The following PTPRD variants were observed in gnomAD, a reference collection of about 807,000 sequenced individuals.
PTPRD encodes receptor-type tyrosine-protein phosphatase delta.
PTPRD carries 34 observed loss-of-function variants against 214.5 expected under a neutral mutation model. That is an observed-to-expected ratio of 0.16 (90% CI 0.12 to 0.21). The LOEUF is 0.21. Among genes scored for constraint, PTPRD ranks in the 10% least tolerant of loss-of-function variants. The probability of loss-of-function intolerance (pLI) is 1.00; values close to 1 mark genes in which losing one functional copy is unlikely to be tolerated. For missense variants in PTPRD, 2,545 were observed against 2,398.7 expected (o/e 1.06, Z -1.27); for synonymous variants, 1,128 against 845.7 (o/e 1.33, Z -5.79).
At chr9:10,038,590 C>T (rs561267315) in intron 3 of PTPRD, among the ~76,000 whole-genome samples, 2 of 152,136 alleles carry the variant, frequency 1.3e-5, no homozygotes, top group East Asian at 3.9e-4. Context: ...CAGAACTGAT[C>T]CTCAAAGAGG....
intron 7 of PTPRD, among the ~76,000 whole-genome samples, chr9:9,639,659 A>G (rs1308674241): frequency 6.6e-6 from 1 of 152,228 alleles, no homozygotes; most frequent in Non-Finnish European, 1.5e-5. Flanking sequence ...TTTTAAAAAC[A>G]TAAATACCTT....
intron 3 of PTPRD, among the ~76,000 whole-genome samples, chr9:10,252,936 A>G (rs1337968245): frequency 6.6e-6 from 1 of 151,916 alleles, no homozygotes; most frequent in Non-Finnish European, 1.5e-5. Context: ...GGTGTGCGCC[A>G]CCACACCCGG....
At chr9:9,123,651 T>G (rs1259392820) in intron 10 of PTPRD, among the ~76,000 whole-genome samples, 1 of 152,154 alleles carries the variant, frequency 6.6e-6, no homozygotes, top group Non-Finnish European at 1.5e-5. Flanking sequence ...TAAAAAGCAA[T>G]TATACTTTCT....
At chr9:8,759,668 T>C (rs2094282871) in intron 11 of PTPRD, among the ~76,000 whole-genome samples, 2 of 151,736 alleles carry the variant, frequency 1.3e-5, no homozygotes, top group Admixed American at 6.6e-5. Context: ...CATTTCACTA[T>C]GTTTTCTTTT....
intron 2 of PTPRD, among the ~76,000 whole-genome samples, chr9:10,379,181 G>C (rs1248304030): frequency 6.6e-6 from 1 of 150,396 alleles, no homozygotes; most frequent in African/African-American, 2.4e-5. Context: ...TATACTTTAA[G>C]TTTTAGGGTA....
chr9:9,674,490 CAT>C (rs146502516), intron 7 of PTPRD, among the ~76,000 whole-genome samples: 1,626 of 151,816 alleles, frequency 0.011, 18 homozygotes, highest in South Asian at 0.026. Context: ...ATAATCCCAA[CAT>C]ATGTTAATAA....
At chr9:9,440,169 T>C (rs183929379) in intron 8 of PTPRD, among the ~76,000 whole-genome samples, 1 of 152,332 alleles carries the variant, frequency 6.6e-6, no homozygotes, top group Non-Finnish European at 1.5e-5. Context: ...TCATGGAGGA[T>C]AGAAGTAATG....
At chr9:9,870,828 G>C (rs1259386666) in intron 5 of PTPRD, among the ~76,000 whole-genome samples, 1 of 152,086 alleles carries the variant, frequency 6.6e-6, no homozygotes, top group East Asian at 1.9e-4. Context: ...TAGACACTTA[G>C]TGTTGAAATA....
chr9:8,528,242 A>G (rs1160434926), intron 15 of PTPRD: 1 of 427,246 alleles, frequency 2.3e-6, no homozygotes, highest in East Asian at 3.5e-5. Flanking sequence ...TGTTGAAATA[A>G]ATTTGTTTCA....
chr9:9,235,500 G>T (rs1424764768), intron 9 of PTPRD, among the ~76,000 whole-genome samples: 2 of 152,100 alleles, frequency 1.3e-5, no homozygotes, highest in Non-Finnish European at 2.9e-5. Flanking sequence ...CATTCTGAAG[G>T]CTCTCATGTT....
chr9:9,621,392 C>T (rs2095231539), intron 7 of PTPRD, among the ~76,000 whole-genome samples: 1 of 152,090 alleles, frequency 6.6e-6, no homozygotes, highest in Non-Finnish European at 1.5e-5. Flanking sequence ...TATAGAAACG[C>T]TCATAAAGAC....
chr9:9,610,708 C>G (rs559224728), intron 7 of PTPRD, among the ~76,000 whole-genome samples: 2 of 152,084 alleles, frequency 1.3e-5, no homozygotes, highest in African/African-American at 4.8e-5. Context: ...AGCATTTTAA[C>G]TAGTATAATT....
chr9:9,812,745 A>C (rs991457366), intron 5 of PTPRD, among the ~76,000 whole-genome samples: 1 of 152,160 alleles, frequency 6.6e-6, no homozygotes, highest in African/African-American at 2.4e-5. Flanking sequence ...AAAATCAATA[A>C]GGAAACAGCA....
chr9:10,592,402 T>G (rs140743461), intron 2 of PTPRD, among the ~76,000 whole-genome samples: 1 of 152,114 alleles, frequency 6.6e-6, no homozygotes, highest in East Asian at 1.9e-4. Flanking sequence ...GTTTCTCCTT[T>G]TGTGAAGAGG....
At chr9:9,225,883 T>A (rs141899808) in intron 9 of PTPRD, among the ~76,000 whole-genome samples, 15 of 152,112 alleles carry the variant, frequency 9.9e-5, no homozygotes, top group African/African-American at 3.6e-4. Flanking sequence ...TGCATCTCAT[T>A]CAGACTTGCC....
chr9:9,196,132 A>G (rs951326893), intron 9 of PTPRD, among the ~76,000 whole-genome samples: 5 of 152,292 alleles, frequency 3.3e-5, no homozygotes, highest in Non-Finnish European at 5.9e-5. Flanking sequence ...TATGAAAGAT[A>G]AGAGAATTAT....
intron 7 of PTPRD, among the ~76,000 whole-genome samples, chr9:9,683,190 C>T (rs2097106518): frequency 6.6e-6 from 1 of 151,664 alleles, no homozygotes; most frequent in Non-Finnish European, 1.5e-5. Context: ...GAAATTATGA[C>T]AGTTATATTC....
In PTPRD at chr9:9,669,844, A is replaced by G. The variant is rs1264692639; in HGVS notation, c.-287+64689T>C. 3.9e-5 allele frequency among the ~76,000 whole-genome samples: 6 copies of G among 152,276 alleles called. No individual in the cohort carries two copies. The East Asian group carries it at 1.2e-3, about 29-fold the overall frequency. On this transcript the variant is annotated intron_variant, in intron 7 of 45. Transcript: ENST00000381196. ...AAATTATCAGCAAATTTAGATAGTG[A>G]CTATACAAATGTCAATGATTATAGC...
intron 2 of PTPRD, among the ~76,000 whole-genome samples, chr9:10,379,473 T>C (rs2097782603): frequency 6.6e-6 from 1 of 151,958 alleles, no homozygotes; most frequent in South Asian, 2.1e-4. Flanking sequence ...ACAAAATGGA[T>C]AATTCCTGAG....
Sources: allele counts gnomAD v4.1 joint callset (sites outside exome capture counted in the v4.1 genomes callset), GRCh38; gene constraint gnomAD v4.1.1; transcripts MANE v1.5; gene names NCBI Gene and HGNC (gene_info 2026-07-23, HGNC 2026-07-21).